TMC6: variants seen among roughly 807,000 people sequenced by gnomAD.
TMC6 encodes transmembrane channel like 6.
A neutral mutation model predicts 95.4 loss-of-function variants in TMC6; 71 were observed. That is an observed-to-expected ratio of 0.74 (90% CI 0.61 to 0.91). The LOEUF (loss-of-function observed/expected upper bound fraction) is 0.91. TMC6 is among the 40% of genes least tolerant of loss of function. The pLI is 0.00. For missense variants in TMC6, 1,074 were observed against 1,079.1 expected (o/e 1.00, Z 0.07); for synonymous variants, 514 against 483.1 (o/e 1.06, Z -0.84).
In TMC6 at chr17:78,124,882, C is replaced by T; in HGVS notation, c.633+7G>A. The T allele has an allele frequency of 1.9e-6, 3 of 1,595,214 alleles. No homozygotes were observed. Among genetic ancestry groups the T allele is most frequent in the Non-Finnish European group, 2.6e-6 (3 of 1,172,448 alleles). Reference sequence around the variant, plus strand: ...CCCCAGCCCCAGGGCAGACCAGGGGCCCATACCAGCACGCAGGCATATCTG... The same window carrying T: ...CCCCAGCCCCAGGGCAGACCAGGGGTCCATACCAGCACGCAGGCATATCTG... On this transcript the variant is annotated splice_region_variant and intron_variant, in intron 7 of 19. Coordinates refer to ENST00000590602, the MANE Select transcript of TMC6 (RefSeq NM_001127198.5).
At chr17:78,123,702 G>A (rs1306296323) in intron 9 of TMC6, among the ~76,000 whole-genome samples, 3 of 149,570 alleles carry the variant, frequency 2.0e-5, no homozygotes, top group Non-Finnish European at 4.5e-5. Context: ...TGGATGGGGG[G>A]GTGAATTGAG....
intron 5 of TMC6, 62 bp from the exon 6 acceptor site, chr17:78,125,325 G>T (rs139515724): frequency 1.4e-6 from 2 of 1,463,672 alleles, no homozygotes. Context: ...GCCCGAAGCC[G>T]GGACCCTGGT....
At chr17:78,117,411 C>G in intron 17 of TMC6, 57 bp downstream of exon 17, 1 of 1,611,686 alleles carries the variant, frequency 6.2e-7, no homozygotes, top group South Asian at 1.1e-5. Flanking sequence ...AGTCCCCACA[C>G]GGTGCAGGCC....
chr17:78,113,400 T>A (rs1031409084), intron 19 of TMC6, 148 bp downstream of exon 19: 2 of 1,214,110 alleles, frequency 1.6e-6, no homozygotes, highest in African/African-American at 3.0e-5. Flanking sequence ...AGAGTGAAGG[T>A]GGGCGCCGGG....
chr17:78,124,420 G>A (rs1598866017), intron 8 of TMC6, 104 bp downstream of exon 8: 2 of 1,557,702 alleles, frequency 1.3e-6, no homozygotes, highest in East Asian at 2.3e-5. Flanking sequence ...GTCACAGCGG[G>A]GCAAGGGTTG....
At position 78,110,043 on chromosome 17, in the gene TMC6, G is replaced by A. The variant is rs979500019; in HGVS notation, c.*3105C>T. 2 of 152,768 alleles carry A rather than the reference G, an allele frequency of 1.3e-5. No individual in the cohort carries two copies. Among genetic ancestry groups the A allele is most frequent in the Admixed American group, 1.3e-4 (2 of 15,430 alleles). 9.5% of individuals were successfully genotyped at this position (152,768 alleles called of 1,614,324 possible). A position where few individuals can be genotyped will look rare whatever the true frequency, so the allele number is the denominator to read the frequency against. ...ATCGTCCCGTTGCACTCCAGCCTGG[G>A]GAACAAGAGTGAAACTCCATTCCAA... On this transcript the variant is annotated 3_prime_UTR_variant, in exon 20 of 20. Coordinates refer to ENST00000590602, the MANE Select transcript of TMC6 (RefSeq NM_001127198.5).
In TMC6 at chr17:78,121,063, G is replaced by C. The variant is rs548965077; in HGVS notation, c.1485C>G (p.Ala495=). 5.0e-6 allele frequency: 8 copies of C among 1,613,266 alleles called. No individual in the cohort carries two copies. Among genetic ancestry groups the C allele is most frequent in the Non-Finnish European group, 6.8e-6 (8 of 1,180,000 alleles). The change falls in exon 12 of 20, where the codon GCC becomes GCG. Residue 495 remains alanine (A), a synonymous_variant. Transcript: ENST00000590602. This position sits in a 1 kb window ranked among gnomAD's most constrained non-coding sequence, Gnocchi z 5.6. ...GTACCGGGGAGTCATGCGGCTCCAG[G>C]GCGGCCAGGACACGGCACAGGTAGG... ...GAPYLCRVLA[A]LEPHDSPVLE...
At chr17:78,118,176 C>T in intron 15 of TMC6, 1 of 631,948 alleles carries the variant, frequency 1.6e-6, no homozygotes, top group Admixed American at 2.9e-5. Context: ...AGGCTCTGCA[C>T]ACAACACTGT....
chr17:78,131,339 C>G (rs917506797), upstream of TMC6: 3 of 595,352 alleles, frequency 5.0e-6, no homozygotes, highest in Non-Finnish European at 8.9e-6. Context: ...GGGCTGGGCC[C>G]GAATTCGACC....
upstream of TMC6, chr17:78,130,944 C>T (rs2074947571): frequency 6.0e-6 from 1 of 165,782 alleles, no homozygotes; most frequent in African/African-American, 2.4e-5. Context: ...GGTCCCTGCT[C>T]CTGTCCCCAC....
upstream of TMC6, among the ~76,000 whole-genome samples, chr17:78,128,936 G>A (rs909846572): frequency 1.3e-5 from 2 of 152,008 alleles, no homozygotes; most frequent in African/African-American, 4.8e-5. This position sits in a 1 kb window ranked among gnomAD's most constrained non-coding sequence, Gnocchi z 4.0. Context: ...GGTCTGAGCT[G>A]GGCTGGATTC....
At position 78,128,728 on chromosome 17, in the gene TMC6, C is replaced by G. The variant is rs1400295658; in HGVS notation, c.-191G>C. 1 of 121,378 alleles carries G rather than the reference C, an allele frequency of 8.2e-6. No individual in the cohort carries two copies. The highest frequency in any genetic ancestry group is 3.9e-5 in the African/African-American group (1 of 25,712). The allele number at this position is 121,378 out of a possible 1,614,324, so 7.5% of individuals were successfully genotyped here. ...TTGCCAAGGGAGTGGCAAAGGGCCC[C>G]AGGGGCGACTGGGCCAGTCGCAGGT... On this transcript the variant is annotated 5_prime_UTR_variant, in exon 1 of 20. Transcript: ENST00000590602. This position sits in a 1 kb window ranked among gnomAD's most constrained non-coding sequence, Gnocchi z 4.0.
At chr17:78,123,947 T>C (rs773003760) in intron 9 of TMC6, 42 bp downstream of exon 9, 11 of 1,606,636 alleles carry the variant, frequency 6.8e-6, no homozygotes, top group African/African-American at 5.3e-5. Flanking sequence ...AATGGATGGA[T>C]GAGTGGAGCT....
chr17:78,125,896 G>A lies in TMC6; in HGVS notation c.272-12C>T, dbSNP rs1270943095. 1.3e-6 allele frequency: 2 copies of A among 1,550,348 alleles called. No homozygotes were observed. ...ACCTCGGCTGCGGCCTATGGAGGCA[G>A]CTGGGCAGGGCCGGGCCGGGCAGGG... On this transcript the variant is annotated splice_polypyrimidine_tract_variant and intron_variant, in intron 4 of 19. Transcript: ENST00000590602.
At chr17:78,119,521 GAA>G (rs1426982705) in intron 13 of TMC6, 129 bp from the exon 14 acceptor site, 9 of 938,462 alleles carry the variant, frequency 9.6e-6, no homozygotes, top group Non-Finnish European at 1.3e-5. Context: ...ATAATGCCAA[GAA>G]GAGACAGCCA....
Position 78,113,695 on chromosome 17 carries a change from C to A in TMC6, c.2278-71G>T, listed in dbSNP as rs2073910074. 8 of 1,539,036 alleles carry A rather than the reference C, an allele frequency of 5.2e-6. No individual in the cohort carries two copies. In the Admixed American group the frequency reaches 1.3e-4, roughly 26 times the overall value. ...CCATCCAGAGCCATCCTGTTCCAAACTGCATTTGAGGGAAAACTCACGAGG... is the reference window on the plus strand; with the variant it reads ...CCATCCAGAGCCATCCTGTTCCAAAATGCATTTGAGGGAAAACTCACGAGG... On this transcript the variant is annotated intron_variant, in intron 18 of 19. Coordinates refer to ENST00000590602, the MANE Select transcript of TMC6 (RefSeq NM_001127198.5).
Position 78,121,415 on chromosome 17 carries a change from C to T in TMC6, c.1383+141G>A. 3 of 1,472,570 alleles carry T rather than the reference C, an allele frequency of 2.0e-6. No homozygotes were observed. The highest frequency in any genetic ancestry group is 2.4e-4 in the Middle Eastern group (1 of 4,210). The allele number at this position is 1,472,570 out of a possible 1,614,324, so 91.2% of individuals were successfully genotyped here. A position where few individuals can be genotyped will look rare whatever the true frequency, so the allele number is the denominator to read the frequency against. ...TGAGAAGTGGGGCTCGGAGGGGGCCCCAGCACGGGGCACAGCGTACGTGGC... is the reference window on the plus strand; with the variant it reads ...TGAGAAGTGGGGCTCGGAGGGGGCCTCAGCACGGGGCACAGCGTACGTGGC... On this transcript the variant is annotated intron_variant, in intron 11 of 19. Transcript: ENST00000590602. The surrounding 1 kb of genome is among the most constrained non-coding windows in gnomAD (Gnocchi z 5.6).
intron 15 of TMC6, chr17:78,118,203 AGTCCCCACTGGAACATG>A (rs994127381): frequency 1.4e-5 from 8 of 565,776 alleles, no homozygotes; most frequent in African/African-American, 1.3e-4. Context: ...CACCTCCCTC[AGTCCCCACTGGAACATG>A]GTCCCCACTG....
In TMC6 at chr17:78,115,873, G is replaced by A. The variant is rs545736913; in HGVS notation, c.2277+1396C>T. On this transcript the variant is annotated intron_variant, in intron 18 of 19. Transcript: ENST00000590602. ...GGGCGAAGGGAGTGGGCACAGGGGC[G>A]AAGGGAGTGGGCACAGGGGCGAAGG... 2.4e-4 allele frequency among the ~76,000 whole-genome samples: 31 copies of A among 128,064 alleles called. 1 individual carries two copies. The highest frequency in any genetic ancestry group is 9.1e-4 in the African/African-American group (30 of 32,868). 84.0% of individuals were successfully genotyped at this position (128,064 alleles called of 152,430 possible).
Sources: allele counts gnomAD v4.1 joint callset (sites outside exome capture counted in the v4.1 genomes callset), GRCh38; gene constraint gnomAD v4.1.1; non-coding constraint Gnocchi (gnomAD v3.1); transcripts MANE v1.5; gene names NCBI Gene and HGNC (gene_info 2026-07-23, HGNC 2026-07-21).